The following SGMS1 variants were observed in gnomAD, a reference collection of about 807,000 sequenced individuals.
SGMS1 encodes the protein phosphatidylcholine:ceramide cholinephosphotransferase 1.
In SGMS1, 13 loss-of-function variants were observed where a neutral mutation model predicts 46.2. That is an observed-to-expected ratio of 0.28 (90% CI 0.18 to 0.45). The LOEUF (loss-of-function observed/expected upper bound fraction) is 0.45, where lower values mean the gene tolerates loss of function less well. Ranked by LOEUF, SGMS1 falls within the 20% of genes least tolerant of loss-of-function variation. The probability of loss-of-function intolerance (pLI) is 1.00; values close to 1 mark genes in which losing one functional copy is unlikely to be tolerated. For synonymous variants in SGMS1, 203 were observed against 187.8 expected (o/e 1.08, Z -0.66); for missense variants, 324 against 519.9 (o/e 0.62, Z 3.66).
intron 3 of SGMS1, among the ~76,000 whole-genome samples, chr10:50,502,988 T>C (rs1837674735): frequency 6.6e-6 from 1 of 152,138 alleles, no homozygotes; most frequent in Non-Finnish European, 1.5e-5. Context: ...CCATGACCGA[T>C]ACAAAAAATG....
At chr10:50,435,594 T>C (rs1849464605) in intron 5 of SGMS1, among the ~76,000 whole-genome samples, 1 of 152,222 alleles carries the variant, frequency 6.6e-6, no homozygotes, top group Non-Finnish European at 1.5e-5. Flanking sequence ...TTGTTAGCAT[T>C]CTTCATATCA....
At chr10:50,474,662 A>G (rs1467917789) in intron 3 of SGMS1, among the ~76,000 whole-genome samples, 1 of 152,222 alleles carries the variant, frequency 6.6e-6, no homozygotes, top group Non-Finnish European at 1.5e-5. Context: ...AGAATTTTTC[A>G]TACTGTTGAT....
intron 1 of SGMS1, among the ~76,000 whole-genome samples, chr10:50,609,521 G>GTCT (rs1554795897): frequency 1.7e-5 from 2 of 117,046 alleles, no homozygotes; most frequent in Non-Finnish European, 3.4e-5. Flanking sequence ...CTTCTCAATA[G>GTCT]TTTTTTTTTT....
At chr10:50,376,430 T>G (rs1267636583) in intron 6 of SGMS1, among the ~76,000 whole-genome samples, 2 of 152,182 alleles carry the variant, frequency 1.3e-5, no homozygotes, top group Non-Finnish European at 2.9e-5. Flanking sequence ...ATTCTATCAA[T>G]GAGCATTTTT....
intron 8 of SGMS1, among the ~76,000 whole-genome samples, chr10:50,319,820 C>T (rs939652849): frequency 1.3e-5 from 2 of 152,190 alleles, no homozygotes; most frequent in Non-Finnish European, 2.9e-5. Context: ...TATTTCTCCA[C>T]TAAATACATA....
At chr10:50,566,158 A>T (rs7074405) in intron 2 of SGMS1, among the ~76,000 whole-genome samples, 1 of 152,082 alleles carries the variant, frequency 6.6e-6, no homozygotes, top group Non-Finnish European at 1.5e-5. Flanking sequence ...TTTGGCTTTC[A>T]TAAGTGCAGG....
chr10:50,491,893 A>G (rs1837570809), intron 3 of SGMS1, among the ~76,000 whole-genome samples: 1 of 152,216 alleles, frequency 6.6e-6, no homozygotes, highest in Admixed American at 6.5e-5. Flanking sequence ...AGTATCCCTG[A>G]CAAACATTGA....
chr10:50,417,641 A>T (rs987885189), intron 6 of SGMS1, among the ~76,000 whole-genome samples: 1 of 152,130 alleles, frequency 6.6e-6, no homozygotes, highest in African/African-American at 2.4e-5. Flanking sequence ...GAGTTGCCAA[A>T]AGGGCTGTTT....
chr10:50,515,427 A>T (rs963297322), intron 3 of SGMS1, among the ~76,000 whole-genome samples: 6 of 152,232 alleles, frequency 3.9e-5, no homozygotes, highest in Admixed American at 1.3e-4. Context: ...AAATCATGCT[A>T]ATCATGCAAC....
At chr10:50,624,098 C>T, upstream of SGMS1, 2 of 985,200 alleles carry the variant, frequency 2.0e-6, no homozygotes, top group Non-Finnish European at 2.4e-6. Flanking sequence ...CCGAGCGGGA[C>T]CCCGAACCAA....
chr10:50,362,662 A>C (rs1589407081), intron 6 of SGMS1, among the ~76,000 whole-genome samples: 1 of 152,238 alleles, frequency 6.6e-6, no homozygotes, highest in East Asian at 1.9e-4. Flanking sequence ...GAATCACACA[A>C]GGAAATGATC....
intron 2 of SGMS1, among the ~76,000 whole-genome samples, chr10:50,564,414 A>G (rs149767730): frequency 2.0e-5 from 3 of 152,338 alleles, no homozygotes; most frequent in Non-Finnish European, 4.4e-5. Context: ...CACCTGCAAT[A>G]TGACATTACT....
intron 6 of SGMS1, among the ~76,000 whole-genome samples, chr10:50,348,096 GT>G (rs902200395): frequency 1.4e-4 from 21 of 152,198 alleles, no homozygotes; most frequent in African/African-American, 4.6e-4. Context: ...CCATTTATGA[GT>G]GAGAACATGT....
At chr10:50,488,402 A>C (rs1447700299) in intron 3 of SGMS1, among the ~76,000 whole-genome samples, 1 of 152,224 alleles carries the variant, frequency 6.6e-6, no homozygotes, top group East Asian at 1.9e-4. Context: ...CACTGATTAC[A>C]GTAATATGCC....
At chr10:50,536,356 A>C (rs550607138) in intron 2 of SGMS1, among the ~76,000 whole-genome samples, 25 of 152,256 alleles carry the variant, frequency 1.6e-4, no homozygotes, top group East Asian at 7.7e-4. Context: ...AACAAACAAA[A>C]AAAACCCATT....
In SGMS1 at chr10:50,562,409, C is replaced by T. The variant is rs138675176; in HGVS notation, c.-589+27744G>A. Among the ~76,000 whole-genome samples the T allele has an allele frequency of 3.4e-3, 519 of 151,128 alleles. 2 individuals carry two copies. The highest frequency in any genetic ancestry group is 0.012 in the African/African-American group (499 of 41,374). On this transcript the variant is annotated intron_variant, in intron 2 of 10. Coordinates refer to ENST00000361781, the MANE Select transcript of SGMS1 (RefSeq NM_147156.4). ...ACGGGCGCGCATGCGCACTCTTACA[C>T]GCACCCACTACCACAATCACCTTCC... is the stretch of plus-strand genomic sequence containing the variant.
intron 2 of SGMS1, among the ~76,000 whole-genome samples, chr10:50,578,599 T>C (rs1411960303): frequency 6.6e-6 from 1 of 152,188 alleles, no homozygotes; most frequent in Admixed American, 6.5e-5. Context: ...ACCATCTAAA[T>C]ATATACCATG....
chr10:50,498,256 G>A (rs909538994), intron 3 of SGMS1, among the ~76,000 whole-genome samples: 4 of 152,218 alleles, frequency 2.6e-5, no homozygotes, highest in African/African-American at 9.6e-5. Flanking sequence ...TCAGAGGGAA[G>A]AGGAATTCAC....
At chr10:50,614,319 T>C (rs1278750648) in intron 1 of SGMS1, among the ~76,000 whole-genome samples, 1 of 152,232 alleles carries the variant, frequency 6.6e-6, no homozygotes, top group African/African-American at 2.4e-5. Flanking sequence ...TGCTCTGGAC[T>C]GGCTCAGACA....
Sources: gnomAD v4.1 joint callset for allele counts (sites outside exome capture counted in the v4.1 genomes callset) on GRCh38, gnomAD v4.1.1 for gene constraint, MANE v1.5 for transcripts, NCBI Gene and HGNC (gene_info 2026-07-23, HGNC 2026-07-21) for gene names.